TCERG1L: variants seen among roughly 807,000 people sequenced by gnomAD.
The protein encoded by TCERG1L is transcription elongation regulator 1-like protein.
In TCERG1L, 37 loss-of-function variants were observed where a neutral mutation model predicts 56.3. The ratio of observed to expected loss-of-function variants is 0.66; its 90% CI spans 0.51 to 0.87. The LOEUF is 0.87. Among genes scored for constraint, TCERG1L ranks in the 40% least tolerant of loss-of-function variants. The pLI, the probability that TCERG1L is intolerant of heterozygous loss-of-function variation, is 0.00. For missense variants in TCERG1L, 799 were observed against 774.2 expected (o/e 1.03, Z -0.38); for synonymous variants, 324 against 326.3 (o/e 0.99, Z 0.08).
intron 4 of TCERG1L, among the ~76,000 whole-genome samples, chr10:131,215,405 T>A (rs1845660159): frequency 6.6e-6 from 1 of 152,182 alleles, no homozygotes; most frequent in Non-Finnish European, 1.5e-5. Flanking sequence ...TAAATAGAAA[T>A]GGAAATTTTC....
At chr10:131,303,424 C>T (rs1381201776) in intron 3 of TCERG1L, among the ~76,000 whole-genome samples, 1 of 152,042 alleles carries the variant, frequency 6.6e-6, no homozygotes, top group Non-Finnish European at 1.5e-5. Flanking sequence ...TAAATGTCTT[C>T]TTTTGAGAAG....
chr10:131,274,249 G>A lies in TCERG1L; in HGVS notation c.671-13805C>T, dbSNP rs1342348045. On this transcript the variant is annotated intron_variant, in intron 3 of 11. Transcript: ENST00000368642. ...AACGATCATTCTGTTTCTTCAAAAT[G>A]AGATTTAGCAAGCAGAACGCAGCCT... 2.6e-5 allele frequency among the ~76,000 whole-genome samples: 4 copies of A among 152,190 alleles called. No homozygotes were observed. The East Asian group carries it at 5.8e-4, about 22-fold the overall frequency.
rs184274257 is a variant in TCERG1L, at chr10:131,231,756, T to A, written c.856+28503A>T. 2.0e-5 allele frequency among the ~76,000 whole-genome samples: 3 copies of A among 152,188 alleles called. No homozygotes were observed. The East Asian group carries it at 5.8e-4, about 30-fold the overall frequency. On this transcript the variant is annotated intron_variant, in intron 4 of 11. Coordinates refer to ENST00000368642, the MANE Select transcript of TCERG1L (RefSeq NM_174937.4). Reference sequence around the variant, plus strand: ...AGTGCTAAGATTTTATCCAATAAAATACGATTTTACTTCCACTTAGCAAAA... The same window carrying A: ...AGTGCTAAGATTTTATCCAATAAAAAACGATTTTACTTCCACTTAGCAAAA...
chr10:131,253,583 T>C (rs531851386), intron 4 of TCERG1L, among the ~76,000 whole-genome samples: 1 of 152,194 alleles, frequency 6.6e-6, no homozygotes, highest in Non-Finnish European at 1.5e-5. Context: ...TGACGTGGCA[T>C]TCACCGTGCT....
At chr10:131,127,359 C>G (rs369107771) in intron 8 of TCERG1L, among the ~76,000 whole-genome samples, 1 of 152,198 alleles carries the variant, frequency 6.6e-6, no homozygotes, top group Non-Finnish European at 1.5e-5. Context: ...CCAGCCAGCC[C>G]GTGACCCTGT....
Position 131,132,847 on chromosome 10 carries a change from C to T in TCERG1L, c.1259+1532G>A, listed in dbSNP as rs558226149. On this transcript the variant is annotated intron_variant, in intron 8 of 11. Transcript: ENST00000368642. ...TGCCCAGGAGATTGTGGGTGGGAGGCGTCCTCCCTCCACAGCCAGTGAGCC... is the reference window on the plus strand; with the variant it reads ...TGCCCAGGAGATTGTGGGTGGGAGGTGTCCTCCCTCCACAGCCAGTGAGCC... Among the ~76,000 whole-genome samples the T allele has an allele frequency of 4.6e-5, 7 of 152,254 alleles. No individual in the cohort carries two copies. In the East Asian group the frequency reaches 5.8e-4, roughly 13 times the overall value.
intron 4 of TCERG1L, among the ~76,000 whole-genome samples, chr10:131,237,964 C>G (rs1045203214): frequency 6.6e-6 from 1 of 152,230 alleles, no homozygotes; most frequent in Non-Finnish European, 1.5e-5. Flanking sequence ...TTTCTGCCTG[C>G]AGAGCCCTAA....
intron 8 of TCERG1L, among the ~76,000 whole-genome samples, chr10:131,121,972 C>T (rs1460443587): frequency 6.6e-6 from 1 of 152,214 alleles, no homozygotes; most frequent in Non-Finnish European, 1.5e-5. Flanking sequence ...AGAGGCTGTG[C>T]CAGCCCTCAC....
At chr10:131,208,577 A>G (rs1362689240) in intron 4 of TCERG1L, among the ~76,000 whole-genome samples, 1 of 152,174 alleles carries the variant, frequency 6.6e-6, no homozygotes, top group Non-Finnish European at 1.5e-5. Context: ...AATGCTCCAC[A>G]ATCTGTCCCC....
At chr10:131,293,013 G>T (rs1355756749) in intron 3 of TCERG1L, among the ~76,000 whole-genome samples, 1 of 151,964 alleles carries the variant, frequency 6.6e-6, no homozygotes, top group Non-Finnish European at 1.5e-5. Context: ...ACCGCACCTG[G>T]CTAATTTTTG....
At chr10:131,101,544 C>T (rs533540802) in intron 10 of TCERG1L, among the ~76,000 whole-genome samples, 3 of 152,258 alleles carry the variant, frequency 2.0e-5, no homozygotes, top group Admixed American at 6.5e-5. Context: ...CCACACACAA[C>T]CCACACGCCA....
chr10:131,131,138 G>C (rs1845614263), intron 8 of TCERG1L, among the ~76,000 whole-genome samples: 1 of 152,102 alleles, frequency 6.6e-6, no homozygotes, highest in African/African-American at 2.4e-5. Flanking sequence ...AGCAATTCCA[G>C]AAATCACAGG....
intron 4 of TCERG1L, among the ~76,000 whole-genome samples, chr10:131,208,376 G>A (rs1235638551): frequency 2.0e-5 from 3 of 152,182 alleles, no homozygotes; most frequent in African/African-American, 7.2e-5. Context: ...TAACATGGCT[G>A]CTCCTCAGCT....
chr10:131,139,816 G>A (rs1186759939), intron 7 of TCERG1L, among the ~76,000 whole-genome samples: 1 of 151,832 alleles, frequency 6.6e-6, no homozygotes, highest in Non-Finnish European at 1.5e-5. Flanking sequence ...GTATATGTGT[G>A]TGTATGTGTA....
intron 3 of TCERG1L, among the ~76,000 whole-genome samples, chr10:131,292,233 T>C (rs1156489103): frequency 2.0e-5 from 3 of 152,224 alleles, no homozygotes; most frequent in African/African-American, 7.2e-5. Flanking sequence ...TTCACCTTCA[T>C]TCTTTAGTTT....
intron 4 of TCERG1L, among the ~76,000 whole-genome samples, chr10:131,247,878 C>T (rs1195802210): frequency 2.0e-5 from 3 of 151,700 alleles, no homozygotes; most frequent in Middle Eastern, 3.4e-3. Context: ...TTCACACTGA[C>T]ACACCCATGT....
intron 3 of TCERG1L, among the ~76,000 whole-genome samples, chr10:131,271,966 C>T (rs556770056): frequency 2.8e-4 from 42 of 152,338 alleles, no homozygotes; most frequent in Non-Finnish European, 4.7e-4. Context: ...TAATGGGTAA[C>T]CATTTCTGCA....
intron 7 of TCERG1L, among the ~76,000 whole-genome samples, chr10:131,143,335 GT>G (rs1301849874): frequency 6.6e-6 from 1 of 152,130 alleles, no homozygotes; most frequent in East Asian, 1.9e-4. Flanking sequence ...AGGGCTCCGG[GT>G]CCTCCTCGAC....
At chr10:131,284,855 A>G (rs1320552123) in intron 3 of TCERG1L, among the ~76,000 whole-genome samples, 1 of 152,232 alleles carries the variant, frequency 6.6e-6, no homozygotes, top group Non-Finnish European at 1.5e-5. Flanking sequence ...GAAAGCATGC[A>G]TAGTCATATA....
Sources: allele counts gnomAD v4.1 joint callset (sites outside exome capture counted in the v4.1 genomes callset), GRCh38; gene constraint gnomAD v4.1.1; transcripts MANE v1.5; gene names NCBI Gene and HGNC (gene_info 2026-07-23, HGNC 2026-07-21).